ARHGEF5: variants seen among roughly 807,000 people sequenced by gnomAD.
ARHGEF5 encodes Rho guanine nucleotide exchange factor 5, also known as Rho guanine nucleotide exchange factor (GEF) 5.
ARHGEF5 carries 11 observed loss-of-function variants against 104.0 expected under a neutral mutation model. That is an observed-to-expected ratio of 0.11 (90% confidence interval 0.07 to 0.18). The LOEUF is 0.18. Among genes scored for constraint, ARHGEF5 ranks in the 10% least tolerant of loss-of-function variants. The pLI, the probability that ARHGEF5 is intolerant of heterozygous loss-of-function variation, is 1.00. For missense variants in ARHGEF5, 165 were observed against 1,335.4 expected (o/e 0.12, Z 13.66); for synonymous variants, 60 against 512.2 (o/e 0.12, Z 11.92).
At chr7:144,379,868 G>A (rs1302424903) in intron 14 of ARHGEF5, 31 bp from the exon 15 acceptor site, 3 of 1,613,418 alleles carry the variant, frequency 1.9e-6, no homozygotes, top group Non-Finnish European at 8.5e-7. Flanking sequence ...CCTTTCCCAG[G>A]TAATTCTTCC....
intron 6 of ARHGEF5, 41 bp downstream of exon 6, chr7:144,371,362 A>AACAGTGAGG: frequency 2.1e-6 from 3 of 1,417,742 alleles, no homozygotes; most frequent in Non-Finnish European, 3.0e-6. Flanking sequence ...ACTCAGCCTC[A>AACAGTGAGG]CTGTTGTTAG....
At position 144,378,262 on chromosome 7, in the gene ARHGEF5, T is replaced by G. The variant is rs966144592; in HGVS notation, c.4532-500T>G. Among the ~76,000 whole-genome samples, 4 of 152,340 alleles carry G rather than the reference T, an allele frequency of 2.6e-5. No homozygotes were observed. The South Asian group carries it at 8.3e-4, about 32-fold the overall frequency. ...AGCTCCAGGGCTTTCAGTCTCTGGC[T>G]TAGGTCAAACCTGGGACACCACTAG... On this transcript the variant is annotated intron_variant, in intron 13 of 14. Transcript: ENST00000056217.
intron 1 of ARHGEF5, among the ~76,000 whole-genome samples, chr7:144,360,995 C>G (rs1359582961): frequency 2.1e-5 from 3 of 145,472 alleles, no homozygotes; most frequent in African/African-American, 7.6e-5. Context: ...TTCGGGAGGC[C>G]GAGGCGGGTG....
In ARHGEF5 at chr7:144,363,324, C is replaced by G; in HGVS notation, c.655C>G (p.Gln219Glu). ...ELPPEELQESQGLLHPQEVQV... is the reference protein window; with the variant it reads ...ELPPEELQESEGLLHPQEVQV... Reference sequence around the variant, plus strand: ...GCCACCTGAGGAGCTGCAGGAAAGTCAAGGGCTCTTGCATCCCCAGGAGGT... The same window carrying G: ...GCCACCTGAGGAGCTGCAGGAAAGTGAAGGGCTCTTGCATCCCCAGGAGGT... Residue 219 changes from glutamine (Q) to glutamate (E), a missense_variant, in exon 2 of 15, where the codon CAA (glutamine) becomes GAA (glutamate). Gln to Glu is a conservative substitution (Grantham distance 29). Coordinates refer to ENST00000056217, the MANE Select transcript of ARHGEF5 (RefSeq NM_005435.4). 6.3e-7 allele frequency: 1 copy of G among 1,592,206 alleles called. No homozygotes were observed. Among genetic ancestry groups the G allele is most frequent in the Non-Finnish European group, 8.6e-7 (1 of 1,164,304 alleles).
rs541465164 is a variant in ARHGEF5, at chr7:144,360,476, T to C, written c.-12-2182T>C. On this transcript the variant is annotated intron_variant, in intron 1 of 14. Coordinates refer to ENST00000056217, the MANE Select transcript of ARHGEF5 (RefSeq NM_005435.4). ...TCTTATACGATGACTCTTAGATGTA[T>C]GGCACATACATATTTAAAGAAGCAT... is the stretch of plus-strand genomic sequence containing the variant. Among the ~76,000 whole-genome samples the C allele has an allele frequency of 4.2e-3, 372 of 87,960 alleles. 8 individuals are homozygous for C. Among genetic ancestry groups the C allele is most frequent in the African/African-American group, 0.015 (358 of 24,010 alleles). The allele number at this position is 87,960 out of a possible 152,430, so 57.7% of individuals were successfully genotyped here.
chr7:144,379,901 T>C lies in ARHGEF5; in HGVS notation c.4639T>C (p.Trp1547Arg). ...VMVTQQSSDG[W>R]LEGVRLSDGE... ...TCCCACTCACCCTGTGCCCACAGGC[T>C]GGCTGGAGGGCGTGAGGCTCTCAGA... The change falls in exon 15 of 15, where the codon TGG (tryptophan) becomes CGG (arginine). Residue 1547 changes from tryptophan (W) to arginine (R), a missense_variant and splice_region_variant. Coordinates refer to ENST00000056217, the MANE Select transcript of ARHGEF5 (RefSeq NM_005435.4). 6.2e-7 allele frequency: 1 copy of C among 1,614,140 alleles called. No homozygotes were observed. The highest frequency in any genetic ancestry group is 8.5e-7 in the Non-Finnish European group (1 of 1,179,998).
intron 1 of ARHGEF5, among the ~76,000 whole-genome samples, chr7:144,358,794 TGTGTG>T (rs1563113852): frequency 1.2e-3 from 157 of 133,122 alleles, no homozygotes; most frequent in African/African-American, 4.2e-3. Flanking sequence ...TGTGTGTGTG[TGTGTG>T]TGTACACACA....
intron 14 of ARHGEF5, among the ~76,000 whole-genome samples, 162 bp from the exon 15 acceptor site, chr7:144,379,737 C>A (rs796539935): frequency 7.9e-5 from 12 of 152,320 alleles, no homozygotes; most frequent in African/African-American, 2.9e-4. Flanking sequence ...GACTTGGCCA[C>A]ACCCAGGGCC....
Position 144,380,133 on chromosome 7 carries a change from G to C in ARHGEF5, c.*77G>C. 6.4e-7 allele frequency: 1 copy of C among 1,566,648 alleles called. No individual in the cohort carries two copies. The highest frequency in any genetic ancestry group is 8.7e-7 in the Non-Finnish European group (1 of 1,145,768). On this transcript the variant is annotated 3_prime_UTR_variant, in exon 15 of 15. Coordinates refer to ENST00000056217, the MANE Select transcript of ARHGEF5 (RefSeq NM_005435.4). ...GGGCTGGCCCCAGAACCCTGCAAGA[G>C]AGGCCTTCTGTGGATGGAGAACTAG...
At chr7:144,379,822 C>G (rs1626337) in intron 14 of ARHGEF5, 77 bp from the exon 15 acceptor site, 965,206 of 1,568,114 alleles carry the variant, frequency 0.62, 298,722 homozygotes, top group East Asian at 0.75. Context: ...ATTCAGAAAA[C>G]TCTCCAGGAA....
chr7:144,375,895 G>C (rs1389776655), intron 12 of ARHGEF5, among the ~76,000 whole-genome samples: 1 of 152,310 alleles, frequency 6.6e-6, no homozygotes, highest in Admixed American at 6.5e-5. Context: ...CCGAGGCTTA[G>C]CATCTATTTT....
chr7:144,360,740 T>G (rs1374829646), intron 1 of ARHGEF5, among the ~76,000 whole-genome samples: 5 of 126,776 alleles, frequency 3.9e-5, no homozygotes. Context: ...TAGGCCACTA[T>G]TAGGCTAAGT....
chr7:144,379,066 G>A (rs1214419336), intron 14 of ARHGEF5, among the ~76,000 whole-genome samples, 200 bp downstream of exon 14: 1 of 152,206 alleles, frequency 6.6e-6, no homozygotes, highest in Non-Finnish European at 1.5e-5. Flanking sequence ...TTTGAAACCT[G>A]TAGGGAAGAT....
intron 1 of ARHGEF5, among the ~76,000 whole-genome samples, chr7:144,358,758 A>AGTGT (rs71222348): frequency 1.7e-3 from 153 of 90,656 alleles, no homozygotes; most frequent in African/African-American, 2.0e-3. Context: ...AGGATGGCTC[A>AGTGT]GTGTGTGTGT....
chr7:144,357,973 C>CAAAAAAAAAA (rs1263774796), intron 1 of ARHGEF5, among the ~76,000 whole-genome samples: 1 of 121,324 alleles, frequency 8.2e-6, no homozygotes, highest in African/African-American at 3.2e-5. Flanking sequence ...ATGAGCATTG[C>CAAAAAAAAAA]AAAAAACTCT....
Position 144,378,957 on chromosome 7 carries a change from G to C in ARHGEF5, c.4636+91G>C, listed in dbSNP as rs957892986. On this transcript the variant is annotated intron_variant, in intron 14 of 14. Transcript: ENST00000056217. Reference sequence around the variant, plus strand: ...CACTTCCTGCAGCTGCCATGACAAAGTACCATGGACTGGGTGGCTTATGGC... The same window carrying C: ...CACTTCCTGCAGCTGCCATGACAAACTACCATGGACTGGGTGGCTTATGGC... 5 of 1,284,752 alleles carry C rather than the reference G, an allele frequency of 3.9e-6. No individual in the cohort carries two copies. In the African/African-American group the frequency reaches 7.3e-5, roughly 19 times the overall value. The allele number at this position is 1,284,752 out of a possible 1,614,324, so 79.6% of individuals were successfully genotyped here. A position where few individuals can be genotyped will look rare whatever the true frequency, so the allele number is the denominator to read the frequency against.
At chr7:144,377,315 G>C (rs1010125915) in intron 13 of ARHGEF5, 125 bp downstream of exon 13, 83 of 1,517,514 alleles carry the variant, frequency 5.5e-5, no homozygotes, top group Non-Finnish European at 7.1e-5. Context: ...AAAATGTCAG[G>C]GTGGAAGATT....
rs1163594058 is a variant in ARHGEF5, at chr7:144,380,510, T to A, written c.*454T>A. ...CAGCCCGGTGACCTCTAAGGTATCT[T>A]CTAACCTAGAAATTCACCATAATTA... On this transcript the variant is annotated 3_prime_UTR_variant, in exon 15 of 15. Transcript: ENST00000056217. The A allele has an allele frequency of 6.4e-6, 1 of 157,252 alleles. No individual in the cohort carries two copies. Among genetic ancestry groups the A allele is most frequent in the Non-Finnish European group, 1.4e-5 (1 of 70,784 alleles). 9.7% of individuals were successfully genotyped at this position (157,252 alleles called of 1,614,324 possible).
chr7:144,377,654 T>C lies in ARHGEF5; in HGVS notation c.4531+464T>C, dbSNP rs548527911. Among the ~76,000 whole-genome samples, 13 of 152,260 alleles carry C rather than the reference T, an allele frequency of 8.5e-5. No homozygotes were observed. In the East Asian group the frequency reaches 2.5e-3, roughly 29 times the overall value. Reference sequence around the variant, plus strand: ...GGGAGCCACAGGCACACACACATTATGTATGTGTCTGTGTTCACACCAAGA... The same window carrying C: ...GGGAGCCACAGGCACACACACATTACGTATGTGTCTGTGTTCACACCAAGA... On this transcript the variant is annotated intron_variant, in intron 13 of 14. Coordinates refer to ENST00000056217, the MANE Select transcript of ARHGEF5 (RefSeq NM_005435.4).
Sources: allele counts gnomAD v4.1 joint callset (sites outside exome capture counted in the v4.1 genomes callset), GRCh38; gene constraint gnomAD v4.1.1; transcripts MANE v1.5; gene names NCBI Gene and HGNC (gene_info 2026-07-23, HGNC 2026-07-21).